CHLSN: variants seen among roughly 807,000 people sequenced by gnomAD.
The protein encoded by CHLSN is cholesin.
chr7:1,059,705 AGGTGGGTCTTAGCGG>A, the CHLSN span, among the ~76,000 whole-genome samples: 1 of 2,604 alleles, frequency 3.8e-4, no homozygotes, highest in Non-Finnish European at 7.5e-4. Context: ...GTCTGTAGTG[AGGTGGGTCTTAGCGG>A]GGCGGGTCTT....
At chr7:1,130,627 C>A in the CHLSN span, among the ~76,000 whole-genome samples, 3 of 152,128 alleles carry the variant, frequency 2.0e-5, no homozygotes, top group Non-Finnish European at 1.5e-5. Context: ...CTCCCAGTCT[C>A]CTCTGCCGCC....
chr7:1,035,618 A>C, the CHLSN span, among the ~76,000 whole-genome samples: 1 of 152,198 alleles, frequency 6.6e-6, no homozygotes, highest in Non-Finnish European at 1.5e-5. Context: ...CGATAGCCCA[A>C]ATCCAGAGAC....
At chr7:1,022,261 C>G in the CHLSN span, among the ~76,000 whole-genome samples, 1 of 152,206 alleles carries the variant, frequency 6.6e-6, no homozygotes, top group African/African-American at 2.4e-5. Context: ...ACGGGCGCCT[C>G]CTGGACCACG....
chr7:1,052,611 G>T, the CHLSN span, among the ~76,000 whole-genome samples: 1 of 151,406 alleles, frequency 6.6e-6, no homozygotes, highest in Non-Finnish European at 1.5e-5. The surrounding 1 kb of genome is among the most constrained non-coding windows in gnomAD (Gnocchi z 4.2). Flanking sequence ...GAAGCTGGTG[G>T]TCAAGCTGGT....
the CHLSN span, among the ~76,000 whole-genome samples, chr7:1,060,384 T>C: frequency 8.3e-4 from 126 of 152,304 alleles, no homozygotes; most frequent in African/African-American, 2.9e-3. Context: ...AGACGGGCGA[T>C]GTGGCTGTGG....
the CHLSN span, among the ~76,000 whole-genome samples, chr7:993,703 G>C: frequency 5.3e-5 from 8 of 152,318 alleles, no homozygotes; most frequent in Middle Eastern, 3.4e-3. Flanking sequence ...CTGAGCCCAG[G>C]GGGGTGGAGG....
chr7:1,014,393 G>A, the CHLSN span, among the ~76,000 whole-genome samples: 19 of 152,300 alleles, frequency 1.2e-4, no homozygotes, highest in East Asian at 2.9e-3. Context: ...CCGTAGACTC[G>A]ACTGAGGCAG....
chr7:1,026,005 A>T, the CHLSN span: 1 of 152,226 alleles, frequency 6.6e-6, no homozygotes, highest in South Asian at 2.1e-4. Context: ...GGGCAGAAGC[A>T]GAAGCAGGCC....
the CHLSN span, chr7:983,266 T>A: frequency 6.5e-7 from 1 of 1,542,230 alleles, no homozygotes; most frequent in Non-Finnish European, 8.7e-7. Flanking sequence ...GGGGCTGCTC[T>A]GCGCCTGCGC....
chr7:1,041,411 CGGGACCTGGGGTCCGCGCTGCGGG>C, the CHLSN span, among the ~76,000 whole-genome samples: 1 of 112,002 alleles, frequency 8.9e-6, no homozygotes. Flanking sequence ...CTGCGGGGAA[CGGGACCTGGGGTCCGCGCTGCGGG>C]GAAGGGGACC....
chr7:1,133,476 C>T, the CHLSN span, among the ~76,000 whole-genome samples: 1 of 151,138 alleles, frequency 6.6e-6, no homozygotes, highest in Non-Finnish European at 1.5e-5. Context: ...TGCGGCCAGG[C>T]ACGGTGGCTC....
chr7:987,287 G>A, the CHLSN span: 9 of 1,508,322 alleles, frequency 6.0e-6, no homozygotes, highest in African/African-American at 1.4e-5. Flanking sequence ...TTCTGCCCCC[G>A]GGGGACCCCC....
chr7:984,106 A>G, the CHLSN span, among the ~76,000 whole-genome samples: 3 of 152,198 alleles, frequency 2.0e-5, no homozygotes, highest in African/African-American at 7.2e-5. Context: ...CCACCCCAGC[A>G]GACAGCCAGC....
the CHLSN span, among the ~76,000 whole-genome samples, chr7:1,101,595 G>A: frequency 2.6e-5 from 4 of 152,174 alleles, no homozygotes; most frequent in African/African-American, 7.2e-5. Context: ...TCTGATTCTC[G>A]CCGGGATCAG....
the CHLSN span, chr7:1,057,773 C>A: frequency 2.6e-6 from 2 of 774,976 alleles, no homozygotes; most frequent in Non-Finnish European, 4.8e-6. Context: ...ACCTGCTCGG[C>A]CCCCCGAGCT....
At chr7:1,028,143 G>C in the CHLSN span, 1 of 720,304 alleles carries the variant, frequency 1.4e-6, no homozygotes, top group Non-Finnish European at 1.7e-6. Context: ...GCAGCGTCTG[G>C]ACGCCACGGC....
chr7:1,127,571 C>T, the CHLSN span, among the ~76,000 whole-genome samples: 1 of 150,958 alleles, frequency 6.6e-6, no homozygotes, highest in Admixed American at 6.6e-5. Context: ...ACCAACTTGA[C>T]ACATTTTGGT....
the CHLSN span, among the ~76,000 whole-genome samples, chr7:980,936 G>A: frequency 2.6e-5 from 4 of 151,782 alleles, no homozygotes; most frequent in Non-Finnish European, 4.4e-5. Context: ...CTCGTGATCC[G>A]CCCACCTCAG....
At chr7:1,108,895 ATTT>A in the CHLSN span, among the ~76,000 whole-genome samples, 6 of 129,488 alleles carry the variant, frequency 4.6e-5, no homozygotes, top group Non-Finnish European at 6.5e-5. Flanking sequence ...TCTCCCAGGC[ATTT>A]TTTTTTTTTT....
Sources: gnomAD v4.1 joint callset for allele counts (sites outside exome capture counted in the v4.1 genomes callset) on GRCh38, gnomAD v4.1.1 for gene constraint, Gnocchi (gnomAD v3.1) non-coding constraint, MANE v1.5 for transcripts, NCBI Gene and HGNC (gene_info 2026-07-23, HGNC 2026-07-21) for gene names.